DSCAM: variants seen among roughly 807,000 people sequenced by gnomAD.
DSCAM encodes cell adhesion molecule DSCAM.
Under a neutral mutation model 217.7 loss-of-function variants are expected in DSCAM, and 47 were observed. The ratio of observed to expected loss-of-function variants is 0.22; its 90% CI spans 0.17 to 0.28. The LOEUF (loss-of-function observed/expected upper bound fraction) is 0.28. Ranked by LOEUF, DSCAM falls within the 10% of genes least tolerant of loss-of-function variation. The pLI is 1.00. For synonymous variants in DSCAM, 1,056 were observed against 1,015.3 expected, an observed-to-expected ratio of 1.04 and a Z score of -0.76; for missense variants, 2,080 against 2,618.3, an observed-to-expected ratio of 0.79 and a Z score of 4.49.
chr21:40,721,258 ATGTC>A (rs1414899613), intron 1 of DSCAM, among the ~76,000 whole-genome samples: 4 of 152,226 alleles, frequency 2.6e-5, no homozygotes, highest in Non-Finnish European at 5.9e-5. Flanking sequence ...AAAATTTACA[ATGTC>A]TGTCATTCAA....
intron 15 of DSCAM, among the ~76,000 whole-genome samples, chr21:40,172,083 A>C (rs1246480669): frequency 6.6e-6 from 1 of 152,238 alleles, no homozygotes; most frequent in East Asian, 1.9e-4. Context: ...AGCCTTGCCA[A>C]CATGGTGAAA....
chr21:40,396,613 A>G (rs1013497216), intron 3 of DSCAM, among the ~76,000 whole-genome samples: 22 of 152,086 alleles, frequency 1.4e-4, no homozygotes, highest in Non-Finnish European at 7.4e-5. Context: ...AATACTGGAG[A>G]ATGCAGGCCC....
At chr21:40,065,214 A>T (rs1250600555) in intron 27 of DSCAM, among the ~76,000 whole-genome samples, 1 of 152,154 alleles carries the variant, frequency 6.6e-6, no homozygotes. Context: ...CTAGAACAAC[A>T]TGGAAGCAGC....
chr21:40,175,479 T>C (rs2146792812), intron 15 of DSCAM, among the ~76,000 whole-genome samples: 1 of 152,182 alleles, frequency 6.6e-6, no homozygotes, highest in East Asian at 1.9e-4. Flanking sequence ...AGATGCCAGA[T>C]TTGGTGTCTG....
At chr21:40,818,604 G>A (rs536264571) in intron 1 of DSCAM, among the ~76,000 whole-genome samples, 2 of 125,976 alleles carry the variant, frequency 1.6e-5, no homozygotes, top group Non-Finnish European at 3.3e-5. Context: ...ACATAAGATA[G>A]TTATCCCACG....
intron 11 of DSCAM, among the ~76,000 whole-genome samples, chr21:40,250,953 TA>T (rs1444470632): frequency 1.5e-4 from 23 of 152,242 alleles, no homozygotes; most frequent in Non-Finnish European, 7.3e-5. Context: ...TGGGCACTGA[TA>T]ACACCACAGA....
chr21:40,272,938 C>A lies in DSCAM; in HGVS notation c.2356+3159G>T, dbSNP rs116497835. ...TAAACAACTAGGGTTAGGCAAAAGA[C>A]ATTGGCCATTAGAGTTGCTAAAGAC... On this transcript the variant is annotated intron_variant, in intron 11 of 32. Transcript: ENST00000400454. 3.6e-3 allele frequency among the ~76,000 whole-genome samples: 540 copies of A among 152,108 alleles called. 3 individuals carry two copies. The highest frequency in any genetic ancestry group is 0.012 in the African/African-American group (493 of 41,504).
At chr21:40,115,087 A>C (rs1408898123) in intron 20 of DSCAM, among the ~76,000 whole-genome samples, 11 of 152,128 alleles carry the variant, frequency 7.2e-5, no homozygotes, top group Admixed American at 7.2e-4. Flanking sequence ...GGATTATAAA[A>C]CATGCTGCTA....
intron 3 of DSCAM, among the ~76,000 whole-genome samples, chr21:40,671,231 A>T (rs182471343): frequency 2.0e-5 from 3 of 152,352 alleles, no homozygotes; most frequent in Admixed American, 2.0e-4. Context: ...AGTTTTAAAT[A>T]AAGGGATATT....
chr21:40,341,754 T>C (rs1266435078), intron 6 of DSCAM, among the ~76,000 whole-genome samples: 1 of 152,208 alleles, frequency 6.6e-6, no homozygotes, highest in African/African-American at 2.4e-5. Flanking sequence ...AATTAGAAGA[T>C]GTAACTTTGG....
intron 11 of DSCAM, among the ~76,000 whole-genome samples, chr21:40,199,278 T>C (rs2091046795): frequency 1.3e-5 from 2 of 152,172 alleles, no homozygotes; most frequent in Non-Finnish European, 2.9e-5. Flanking sequence ...ACACCCACAG[T>C]ATGCTGAGAA....
At chr21:40,119,040 G>A (rs2090004059) in intron 20 of DSCAM, among the ~76,000 whole-genome samples, 1 of 152,062 alleles carries the variant, frequency 6.6e-6, no homozygotes, top group African/African-American at 2.4e-5. Context: ...AACCTGCCTG[G>A]GTCCTTCCTG....
At chr21:40,810,722 A>G (rs894578783) in intron 1 of DSCAM, among the ~76,000 whole-genome samples, 2 of 152,138 alleles carry the variant, frequency 1.3e-5, no homozygotes, top group Non-Finnish European at 2.9e-5. Flanking sequence ...GAAACATAGC[A>G]AGACCCTATC....
rs139331864 is a variant in DSCAM, at chr21:40,234,096, C to T, written c.2356+42001G>A. 2.3e-3 allele frequency among the ~76,000 whole-genome samples: 357 copies of T among 152,304 alleles called. 1 individual carries two copies. Among genetic ancestry groups the T allele is most frequent in the Admixed American group, 3.5e-3 (53 of 15,300 alleles). On this transcript the variant is annotated intron_variant, in intron 11 of 32. Transcript: ENST00000400454. ...AGAGTGAACCTGAAGAGCTGGCTAG[C>T]ACGGAACATGGCTGCATTCTCAGAA...
intron 3 of DSCAM, among the ~76,000 whole-genome samples, chr21:40,495,905 T>G (rs1443827928): frequency 6.6e-6 from 1 of 152,074 alleles, no homozygotes. Flanking sequence ...CCAAAAAAGT[T>G]ATCAAGAAAA....
rs566098737 is a variant in DSCAM at position 40,419,642 on chromosome 21, A to C, written c.509-50397T>G. Among the ~76,000 whole-genome samples, 319 of 152,316 alleles carry C rather than the reference A, an allele frequency of 2.1e-3. 1 individual carries two copies. Among genetic ancestry groups the C allele is most frequent in the African/African-American group, 7.3e-3 (304 of 41,576 alleles). ...TCACATATAATTTCTGGGAAAAATT[A>C]CTCAGATACATCTTCTAGCCTATCA... On this transcript the variant is annotated intron_variant, in intron 3 of 32. Coordinates refer to ENST00000400454, the MANE Select transcript of DSCAM (RefSeq NM_001389.5).
At chr21:40,287,643 A>T (rs2073844310) in intron 10 of DSCAM, among the ~76,000 whole-genome samples, 1 of 152,172 alleles carries the variant, frequency 6.6e-6, no homozygotes, top group Non-Finnish European at 1.5e-5. Flanking sequence ...TGAATCTCTC[A>T]ACAAAAGAAT....
At chr21:40,369,385 CGTGTGTGTGTGTGT>C (rs35564463) in intron 3 of DSCAM, 140 bp from the exon 4 acceptor site, 42 of 385,494 alleles carry the variant, frequency 1.1e-4, no homozygotes, top group South Asian at 8.7e-4. Flanking sequence ...CGTGCGTCTG[CGTGTGTGTGTGTGT>C]GTGTGTGTGT....
intron 16 of DSCAM, among the ~76,000 whole-genome samples, chr21:40,145,492 A>G (rs2090343859): frequency 6.6e-6 from 1 of 152,152 alleles, no homozygotes; most frequent in African/African-American, 2.4e-5. Flanking sequence ...ATGGTCCACC[A>G]GGTCAAAGTA....
Sources: gnomAD v4.1 joint callset for allele counts (sites outside exome capture counted in the v4.1 genomes callset) on GRCh38, gnomAD v4.1.1 for gene constraint, MANE v1.5 for transcripts, NCBI Gene and HGNC (gene_info 2026-07-23, HGNC 2026-07-21) for gene names.